LRRC43: variants seen among roughly 807,000 people sequenced by gnomAD.
The protein encoded by LRRC43 is leucine rich repeat containing 43.
LRRC43 carries 62 observed loss-of-function variants against 64.3 expected under a neutral mutation model. The ratio of observed to expected loss-of-function variants is 0.96; its 90% CI spans 0.79 to 1.19. LRRC43 has a LOEUF of 1.19. Among genes scored for constraint, LRRC43 ranks in the 50% most tolerant of loss-of-function variants. The probability of loss-of-function intolerance (pLI) is 0.00; values close to 1 mark genes in which losing one functional copy is unlikely to be tolerated. For synonymous variants in LRRC43, 422 were observed against 382.3 expected (o/e 1.10, Z -1.21); for missense variants, 868 against 845.0 (o/e 1.03, Z -0.34).
chr12:122,200,887 T>C lies in LRRC43; in HGVS notation c.1762T>C (p.Phe588Leu). 3 of 1,612,420 alleles carry C rather than the reference T, an allele frequency of 1.9e-6. No homozygotes were observed. Among genetic ancestry groups the C allele is most frequent in the Non-Finnish European group, 2.5e-6 (3 of 1,179,548 alleles). The change falls in exon 10 of 12, where the codon TTC becomes CTC. Residue 588 changes from phenylalanine to leucine, a missense_variant. Phe to Leu is a conservative substitution (Grantham distance 22, BLOSUM62 0). Transcript: ENST00000339777. This position sits in a 1 kb window ranked among gnomAD's most constrained non-coding sequence, Gnocchi z 4.6. Reference protein sequence around the residue: ...GEPLVSTVCNFGVVRTLTSDR... With the variant: ...GEPLVSTVCNLGVVRTLTSDR... ...GCCCCTGGTGTCCACCGTGTGCAAC[T>C]TCGGCGTGGTCCGCACATTGACATC...
intron 1 of LRRC43, chr12:122,172,456 C>G: frequency 1.9e-6 from 3 of 1,614,056 alleles, no homozygotes; most frequent in Non-Finnish European, 2.5e-6. Context: ...GATTTTAGTG[C>G]GAGGTCCATG....
At chr12:122,170,447 C>T (rs369055772) in intron 1 of LRRC43, among the ~76,000 whole-genome samples, 10 of 151,906 alleles carry the variant, frequency 6.6e-5, no homozygotes, top group African/African-American at 9.6e-5. Flanking sequence ...CTGGCTAACA[C>T]GGTGAAACCC....
chr12:122,186,728 G>C (rs889704370), intron 3 of LRRC43, among the ~76,000 whole-genome samples: 16 of 152,198 alleles, frequency 1.1e-4, no homozygotes, highest in Non-Finnish European at 2.4e-4. Flanking sequence ...AGACCAGCCT[G>C]GCCAACATGG....
At chr12:122,177,890 T>TG (rs2077697387) in intron 1 of LRRC43, among the ~76,000 whole-genome samples, 1 of 151,668 alleles carries the variant, frequency 6.6e-6, no homozygotes, top group African/African-American at 2.4e-5. Context: ...CAGGATGGAG[T>TG]GCAGTGGCAT....
At chr12:122,172,353 T>G (rs1360906023) in intron 1 of LRRC43, 2 of 1,220,696 alleles carry the variant, frequency 1.6e-6, no homozygotes. Flanking sequence ...CACACTTAGC[T>G]GTCGGTCATC....
chr12:122,177,898 C>T (rs568335831), intron 1 of LRRC43, among the ~76,000 whole-genome samples: 1 of 151,430 alleles, frequency 6.6e-6, no homozygotes, highest in African/African-American at 2.4e-5. Flanking sequence ...AGTGCAGTGG[C>T]ATGATCTTGG....
Position 122,200,769 on chromosome 12 carries a change from G to A in LRRC43, c.1644G>A (p.Lys548=). The A allele has an allele frequency of 6.2e-7, 1 of 1,612,668 alleles. No individual in the cohort carries two copies. Among genetic ancestry groups the A allele is most frequent in the Non-Finnish European group, 8.5e-7 (1 of 1,179,896 alleles). The change falls in exon 10 of 12, where the codon AAG becomes AAA. Residue 548 remains lysine, a synonymous_variant. Transcript: ENST00000339777. The surrounding 1 kb of genome is among the most constrained non-coding windows in gnomAD (Gnocchi z 4.6). ...PAKEWKVLKK[K]KEPPKELRQD... ...AGGAGTGGAAGGTGCTGAAGAAGAA[G>A]AAAGAGCCGCCCAAGGAGCTCCGGC...
At chr12:122,169,570 G>A (rs894224778) in intron 1 of LRRC43, among the ~76,000 whole-genome samples, 3 of 151,844 alleles carry the variant, frequency 2.0e-5, no homozygotes, top group Admixed American at 2.0e-4. Flanking sequence ...AAAAAAATTA[G>A]CCGGGCGTGG....
chr12:122,194,077 TTG>T (rs1953750342), intron 7 of LRRC43, among the ~76,000 whole-genome samples: 1 of 152,172 alleles, frequency 6.6e-6, no homozygotes, highest in African/African-American at 2.4e-5. Context: ...GTTATGAAGA[TTG>T]TAGAGTAATT....
intron 4 of LRRC43, 40 bp from the exon 5 acceptor site, chr12:122,190,090 C>T: frequency 6.4e-7 from 1 of 1,560,738 alleles, no homozygotes; most frequent in Non-Finnish European, 8.8e-7. Context: ...CCCTGCTCAC[C>T]TGGCTTCTTG....
rs768838381 is a variant in LRRC43 at position 122,190,112 on chromosome 12, G to T, written c.663-18G>T. 1.2e-6 allele frequency: 2 copies of T among 1,607,942 alleles called. No homozygotes were observed. Among genetic ancestry groups the T allele is most frequent in the Non-Finnish European group, 1.7e-6 (2 of 1,174,604 alleles). The stretch of plus-strand genomic sequence containing the variant: ...CACCTGGCTTCTTGACCCCCAGACG[G>T]TCCTGCTCACCTTCCAGGCCCAACC... On this transcript the variant is annotated intron_variant, in intron 4 of 11. Transcript: ENST00000339777.
At chr12:122,175,665 A>T (rs948525223) in intron 1 of LRRC43, among the ~76,000 whole-genome samples, 2 of 145,178 alleles carry the variant, frequency 1.4e-5, no homozygotes, top group Non-Finnish European at 3.0e-5. Context: ...CACTATGCTA[A>T]TTTTTTTTTT....
intron 1 of LRRC43, chr12:122,172,700 C>T (rs759304882): frequency 1.1e-5 from 17 of 1,613,712 alleles, no homozygotes; most frequent in East Asian, 2.2e-5. Context: ...GACACGGCAG[C>T]GTGTAATTCT....
chr12:122,175,827 G>A (rs1174317086), intron 1 of LRRC43, among the ~76,000 whole-genome samples: 6 of 151,162 alleles, frequency 4.0e-5, no homozygotes, highest in East Asian at 2.0e-4. Context: ...CCACCACGCC[G>A]GGCTAATTTT....
At chr12:122,168,632 A>G (rs1484773867) in intron 1 of LRRC43, among the ~76,000 whole-genome samples, 1 of 152,164 alleles carries the variant, frequency 6.6e-6, no homozygotes, top group Non-Finnish European at 1.5e-5. Flanking sequence ...TAGACAGTAC[A>G]GAGAGTTCCT....
rs1163479588 is a variant in LRRC43, at chr12:122,184,811, G to A, written c.411+32G>A. Reference sequence around the variant, plus strand: ...GCTGGGCACGTGGTAGGTGATGTTAGGGTGGCCGCTCCCCTAAGGGAGGTT... The same window carrying A: ...GCTGGGCACGTGGTAGGTGATGTTAAGGTGGCCGCTCCCCTAAGGGAGGTT... On this transcript the variant is annotated intron_variant, in intron 2 of 11. Coordinates refer to ENST00000339777, the MANE Select transcript of LRRC43 (RefSeq NM_001098519.2). This position sits in a 1 kb window ranked among gnomAD's most constrained non-coding sequence, Gnocchi z 4.0. The A allele has an allele frequency of 6.4e-7, 1 of 1,570,250 alleles. No homozygotes were observed. The highest frequency in any genetic ancestry group is 1.2e-5 in the South Asian group (1 of 85,730).
intron 4 of LRRC43, chr12:122,189,416 G>T (rs991395611): frequency 2.2e-6 from 1 of 456,586 alleles, no homozygotes; most frequent in African/African-American, 2.0e-5. Flanking sequence ...CTTAGGGGAA[G>T]AGTGAGGCTG....
At position 122,186,205 on chromosome 12, in the gene LRRC43, A is replaced by G. The variant is rs1430252154; in HGVS notation, c.427A>G (p.Lys143Glu). 6.3e-7 allele frequency: 1 copy of G among 1,596,460 alleles called. No individual in the cohort carries two copies. The highest frequency in any genetic ancestry group is 8.5e-7 in the Non-Finnish European group (1 of 1,171,368). The change falls in exon 3 of 12, where the codon AAA becomes GAA. Residue 143 changes from lysine to glutamate, a missense_variant. Lys to Glu is a moderately conservative substitution (Grantham distance 56). Coordinates refer to ENST00000339777, the MANE Select transcript of LRRC43 (RefSeq NM_001098519.2). ...CCTCTTCCAGGTCACCCTGGTGGATAAAGACCTCCTGAAATTTCTAAAGCT... is the reference window on the plus strand; with the variant it reads ...CCTCTTCCAGGTCACCCTGGTGGATGAAGACCTCCTGAAATTTCTAAAGCT... ...VIDKKVTLVD[K>E]DLLKFLKLEE...
rs1317702400 is a variant in LRRC43 at position 122,200,321 on chromosome 12, G to A, written c.1482G>A (p.Val494=). The change falls in exon 8 of 12, where the codon GTG becomes GTA. Residue 494 remains valine, a synonymous_variant. Transcript: ENST00000339777. This position sits in a 1 kb window ranked among gnomAD's most constrained non-coding sequence, Gnocchi z 4.6. ...TGGCGGGGACCACCGTGACCATCGTGGAGGAGAAGGTGGGCAGGCGGAGGC... is the reference window on the plus strand; with the variant it reads ...TGGCGGGGACCACCGTGACCATCGTAGAGGAGAAGGTGGGCAGGCGGAGGC... The part of the protein sequence containing the change: ...FLLAGTTVTI[V]EEKILSWPVV... 1 of 1,610,830 alleles carries A rather than the reference G, an allele frequency of 6.2e-7. No individual in the cohort carries two copies. The highest frequency in any genetic ancestry group is 1.1e-5 in the South Asian group (1 of 91,062).
Sources: allele counts gnomAD v4.1 joint callset (sites outside exome capture counted in the v4.1 genomes callset), GRCh38; gene constraint gnomAD v4.1.1; non-coding constraint Gnocchi (gnomAD v3.1); transcripts MANE v1.5; gene names NCBI Gene and HGNC (gene_info 2026-07-23, HGNC 2026-07-21).